FAM171A1: variants seen among roughly 807,000 people sequenced by gnomAD.
FAM171A1 encodes the protein protein FAM171A1.
In FAM171A1, 23 loss-of-function variants were observed where a neutral mutation model predicts 74.9. The observed-to-expected ratio is 0.31, with a 90% CI of 0.22 to 0.44. The LOEUF is 0.44. Among genes scored for constraint, FAM171A1 ranks in the 20% least tolerant of loss-of-function variants. FAM171A1 has a pLI of 1.00. For missense variants in FAM171A1, 1,162 were observed against 1,159.2 expected (o/e 1.00, Z -0.03); for synonymous variants, 527 against 505.7 (o/e 1.04, Z -0.57).
chr10:15,276,720 T>C (rs1834899492), intron 2 of FAM171A1, among the ~76,000 whole-genome samples: 1 of 152,188 alleles, frequency 6.6e-6, no homozygotes, highest in Admixed American at 6.5e-5. Context: ...GGTCTCACTC[T>C]GTCACTCAGG....
chr10:15,248,692 C>T lies in FAM171A1; in HGVS notation c.701G>A (p.Ser234Asn). 6.2e-7 allele frequency: 1 copy of T among 1,613,194 alleles called. No homozygotes were observed. The highest frequency in any genetic ancestry group is 8.5e-7 in the Non-Finnish European group (1 of 1,179,568). ...GACATAGGCATTGTGCCTCAGGCTG[C>T]TCTGCGTGGCCAGGGGCACAGTGAC... ...IYVTVPLATQ[S>N]SLRHNAYVAA... The change falls in exon 5 of 8, where the codon AGC (serine) becomes AAC (asparagine). Residue 234 changes from serine (S) to asparagine (N), a missense_variant. Coordinates refer to ENST00000378116, the MANE Select transcript of FAM171A1 (RefSeq NM_001010924.2).
chr10:15,256,755 G>A (rs1018068784), intron 3 of FAM171A1, among the ~76,000 whole-genome samples: 1 of 152,160 alleles, frequency 6.6e-6, no homozygotes, highest in African/African-American at 2.4e-5. Context: ...TCTGTGGAGA[G>A]TTCAAATTCC....
intron 1 of FAM171A1, among the ~76,000 whole-genome samples, chr10:15,362,623 C>G (rs1836008164): frequency 6.6e-6 from 1 of 152,184 alleles, no homozygotes; most frequent in Non-Finnish European, 1.5e-5. Flanking sequence ...ACTGGGGAGG[C>G]TGAGGCAGGG....
intron 6 of FAM171A1, among the ~76,000 whole-genome samples, chr10:15,217,829 C>T (rs1833985614): frequency 6.6e-6 from 1 of 151,814 alleles, no homozygotes; most frequent in Non-Finnish European, 1.5e-5. Flanking sequence ...GATGGGGTTT[C>T]ACCATCTTGG....
At chr10:15,348,893 T>A (rs916889337) in intron 1 of FAM171A1, among the ~76,000 whole-genome samples, 9 of 152,186 alleles carry the variant, frequency 5.9e-5, no homozygotes, top group Admixed American at 1.3e-4. Flanking sequence ...ACACTTTCAT[T>A]TTATTGACCT....
intron 1 of FAM171A1, among the ~76,000 whole-genome samples, chr10:15,293,965 A>C (rs1835132041): frequency 6.6e-6 from 1 of 152,208 alleles, no homozygotes; most frequent in African/African-American, 2.4e-5. Context: ...GGTTCTGCTA[A>C]GCTGTGGCTC....
intron 6 of FAM171A1, among the ~76,000 whole-genome samples, chr10:15,216,944 C>T (rs924065495): frequency 2.6e-5 from 4 of 151,704 alleles, no homozygotes; most frequent in African/African-American, 9.7e-5. Flanking sequence ...GTATGACATA[C>T]ATTTCCTGTG....
intron 5 of FAM171A1, among the ~76,000 whole-genome samples, chr10:15,224,430 G>A (rs1333188214): frequency 1.3e-5 from 2 of 152,068 alleles, no homozygotes; most frequent in Non-Finnish European, 2.9e-5. Context: ...ACCTGGAAAC[G>A]GAGGCACACA....
At chr10:15,233,333 T>C (rs942145231) in intron 5 of FAM171A1, among the ~76,000 whole-genome samples, 1 of 152,044 alleles carries the variant, frequency 6.6e-6, no homozygotes, top group Non-Finnish European at 1.5e-5. Flanking sequence ...ACATTTTTTT[T>C]CCCTAAAGGA....
At chr10:15,274,868 A>G (rs1331950275) in intron 3 of FAM171A1, among the ~76,000 whole-genome samples, 1 of 152,174 alleles carries the variant, frequency 6.6e-6, no homozygotes, top group African/African-American at 2.4e-5. Context: ...TCCATCAATG[A>G]TAGACTGGAT....
At position 15,330,713 on chromosome 10, in the gene FAM171A1, C is replaced by CTTT. The variant is rs898772126; in HGVS notation, c.97+40240_97+40242dup. Among the ~76,000 whole-genome samples, 728 of 76,712 alleles carry CTTT rather than the reference C, an allele frequency of 9.5e-3. 1 individual carries two copies. Among genetic ancestry groups the CTTT allele is most frequent in the Non-Finnish European group, 0.011 (503 of 44,384 alleles). The allele number at this position is 76,712 out of a possible 152,430, so 50.3% of individuals were successfully genotyped here. A position where few individuals can be genotyped will look rare whatever the true frequency, so the allele number is the denominator to read the frequency against. Reference sequence around the variant, plus strand: ...TGAAGCATATTTTTTTCTTCTTCTTCTTTTTTTTTTTTTTTTTTTTTTGAG... The same window carrying CTTT: ...TGAAGCATATTTTTTTCTTCTTCTTCTTTTTTTTTTTTTTTTTTTTTTTTTGAG... On this transcript the variant is annotated intron_variant, in intron 1 of 7. Coordinates refer to ENST00000378116, the MANE Select transcript of FAM171A1 (RefSeq NM_001010924.2).
At chr10:15,334,752 G>A (rs1474200058) in intron 1 of FAM171A1, among the ~76,000 whole-genome samples, 3 of 152,154 alleles carry the variant, frequency 2.0e-5, no homozygotes, top group Non-Finnish European at 4.4e-5. Flanking sequence ...GTTCAAAGCT[G>A]TTTCTACTAT....
chr10:15,314,395 T>A (rs1564275085), intron 1 of FAM171A1, among the ~76,000 whole-genome samples: 1 of 152,226 alleles, frequency 6.6e-6, no homozygotes, highest in East Asian at 1.9e-4. Flanking sequence ...GGCTGTTTTA[T>A]CTATTTCTAT....
At chr10:15,245,378 C>T (rs926678228) in intron 5 of FAM171A1, among the ~76,000 whole-genome samples, 1 of 152,178 alleles carries the variant, frequency 6.6e-6, no homozygotes, top group Non-Finnish European at 1.5e-5. Context: ...AATCTGTTGA[C>T]TTTGAGTGAA....
chr10:15,305,659 C>T (rs1369960619), intron 1 of FAM171A1, among the ~76,000 whole-genome samples: 4 of 46,480 alleles, frequency 8.6e-5, no homozygotes, highest in Non-Finnish European at 1.5e-4. Context: ...AGAGTGAGAT[C>T]TGGCTAAAAA....
intron 3 of FAM171A1, among the ~76,000 whole-genome samples, chr10:15,272,312 G>T (rs1476245263): frequency 2.0e-5 from 3 of 152,178 alleles, no homozygotes. Context: ...TTACATAATG[G>T]TAAAGGGATC....
intron 1 of FAM171A1, among the ~76,000 whole-genome samples, chr10:15,358,620 C>G (rs1341538126): frequency 1.3e-5 from 2 of 152,190 alleles, no homozygotes; most frequent in Non-Finnish European, 2.9e-5. Flanking sequence ...TATTGGACCT[C>G]CCTAAGAGCT....
intron 6 of FAM171A1, among the ~76,000 whole-genome samples, chr10:15,220,229 C>A (rs1834019774): frequency 6.6e-6 from 1 of 151,842 alleles, no homozygotes; most frequent in South Asian, 2.1e-4. Context: ...TAAAGATTTG[C>A]CACCAAGAAA....
intron 1 of FAM171A1, among the ~76,000 whole-genome samples, chr10:15,311,194 A>C (rs1215241813): frequency 6.6e-6 from 1 of 152,230 alleles, no homozygotes; most frequent in Non-Finnish European, 1.5e-5. Context: ...CACTTATTTT[A>C]CACTCAGGGT....
Sources: gnomAD v4.1 joint callset for allele counts (sites outside exome capture counted in the v4.1 genomes callset) on GRCh38, gnomAD v4.1.1 for gene constraint, MANE v1.5 for transcripts, NCBI Gene and HGNC (gene_info 2026-07-23, HGNC 2026-07-21) for gene names.